CHIC1: variants seen among roughly 807,000 people sequenced by gnomAD.
CHIC1 encodes the protein cysteine rich hydrophobic domain 1.
A neutral mutation model predicts 18.5 loss-of-function variants in CHIC1; 7 were observed. The observed-to-expected ratio is 0.38, with a 90% CI of 0.22 to 0.71. The LOEUF is 0.71. Ranked by LOEUF, CHIC1 falls within the 30% of genes least tolerant of loss-of-function variation. The pLI is 0.49. For missense variants in CHIC1, 159 were observed against 176.9 expected, an observed-to-expected ratio of 0.90 and a Z score of 0.57; for synonymous variants, 77 against 73.5, an observed-to-expected ratio of 1.05 and a Z score of -0.25.
In CHIC1 at chrX:73,679,356, T is replaced by C. The variant is rs1002766532; in HGVS notation, c.538T>C (p.Trp180Arg). The C allele has an allele frequency of 2.2e-5, 25 of 1,149,528 alleles. No individual in the cohort carries two copies. The highest frequency in any genetic ancestry group is 3.6e-5 in the African/African-American group (2 of 56,038). The allele number at this position is 1,149,528 out of a possible 1,213,427, so 94.7% of individuals were successfully genotyped here. Residue 180 changes from tryptophan (W) to arginine (R), a missense_variant, in exon 4 of 6, where the codon TGG becomes CGG. By Grantham distance (101) the Trp-to-Arg change is moderately radical. Coordinates refer to ENST00000373502, the MANE Select transcript of CHIC1 (RefSeq NM_001039840.4). ...TRRSIQKLIE[W>R]ENNRLYHKLA... ...AAGATCAATTCAGAAGTTAATAGAA[T>C]GGGAAAATAACAGATTATATCACAA...
At chrX:73,600,273 C>G (rs1420401438) in intron 3 of CHIC1, among the ~76,000 whole-genome samples, 1 of 96,727 alleles carries the variant, frequency 1.0e-5, no homozygotes, top group Non-Finnish European at 2.0e-5. Context: ...ATCATGTCAT[C>G]TGCAAACAGG....
At chrX:73,661,874 A>G (rs1285716217) in intron 3 of CHIC1, among the ~76,000 whole-genome samples, 1 of 110,207 alleles carries the variant, frequency 9.1e-6, no homozygotes, top group African/African-American at 3.3e-5. Context: ...ATTCGTAAAC[A>G]GTGTTAAAGC....
At chrX:73,608,806 A>G (rs1398369873) in intron 3 of CHIC1, among the ~76,000 whole-genome samples, 2 of 107,707 alleles carry the variant, frequency 1.9e-5, no homozygotes, top group Non-Finnish European at 3.8e-5. Context: ...TTCTACCTAT[A>G]AGTTTATGTC....
intron 3 of CHIC1, among the ~76,000 whole-genome samples, chrX:73,662,041 TAAAA>T (rs1201565881): frequency 2.0e-5 from 2 of 98,773 alleles, no homozygotes; most frequent in African/African-American, 3.7e-5. Context: ...AGTATAATAA[TAAAA>T]AAATAAATAA....
chrX:73,656,484 A>G (rs1339880949), intron 3 of CHIC1, among the ~76,000 whole-genome samples: 1 of 111,810 alleles, frequency 8.9e-6, no homozygotes, highest in Non-Finnish European at 1.9e-5. Flanking sequence ...TATATATGGT[A>G]TAAGGAAGAG....
chrX:73,678,345 T>G (rs1336917096), intron 3 of CHIC1, among the ~76,000 whole-genome samples: 3 of 112,313 alleles, frequency 2.7e-5, no homozygotes, highest in Non-Finnish European at 5.6e-5. Flanking sequence ...GCCCTGAGTA[T>G]GTCAGTCTTT....
intron 3 of CHIC1, among the ~76,000 whole-genome samples, chrX:73,587,496 T>C (rs2057558939): frequency 9.0e-6 from 1 of 111,545 alleles, no homozygotes; most frequent in South Asian, 3.7e-4. Flanking sequence ...TTGATACTCA[T>C]TAAATTGAGA....
intron 3 of CHIC1, among the ~76,000 whole-genome samples, chrX:73,625,271 T>C (rs975219734): frequency 3.6e-5 from 4 of 111,597 alleles, no homozygotes; most frequent in Non-Finnish European, 1.9e-5. Context: ...AGCTCAAACT[T>C]GTCCCCTGAT....
At chrX:73,647,135 C>G (rs951104530) in intron 3 of CHIC1, among the ~76,000 whole-genome samples, 14 of 111,449 alleles carry the variant, frequency 1.3e-4, no homozygotes, top group African/African-American at 3.6e-4. Context: ...AGCGTGCTAC[C>G]CAGCTAGGGA....
At chrX:73,622,915 T>TA (rs1027972420) in intron 3 of CHIC1, among the ~76,000 whole-genome samples, 1 of 112,200 alleles carries the variant, frequency 8.9e-6, no homozygotes, top group African/African-American at 3.2e-5. Flanking sequence ...TCAAAGAACT[T>TA]ACTTATTTCT....
chrX:73,570,614 C>T (rs2057466086), intron 1 of CHIC1, among the ~76,000 whole-genome samples: 1 of 110,666 alleles, frequency 9.0e-6, no homozygotes, highest in African/African-American at 3.3e-5. Context: ...TATTTTGTGG[C>T]AAGATGTCCA....
At chrX:73,647,567 C>T (rs1324125703) in intron 3 of CHIC1, among the ~76,000 whole-genome samples, 1 of 112,415 alleles carries the variant, frequency 8.9e-6, no homozygotes, top group Non-Finnish European at 1.9e-5. Context: ...GGATGTCCCC[C>T]ACAACCTAAC....
rs185946821 is a variant in CHIC1, at chrX:73,657,287, C to T, written c.508-22039C>T. 5.0e-3 allele frequency among the ~76,000 whole-genome samples: 549 copies of T among 110,119 alleles called. 2 individuals carry two copies. Among genetic ancestry groups the T allele is most frequent in the Non-Finnish European group, 8.4e-3 (442 of 52,746 alleles). On this transcript the variant is annotated intron_variant, in intron 3 of 5. Transcript: ENST00000373502. ...ATGTCAGCCAGGATGGTCTTGATCCCCGACCTCATGATCCACCCGCCTCAG... is the reference window on the plus strand; with the variant it reads ...ATGTCAGCCAGGATGGTCTTGATCCTCGACCTCATGATCCACCCGCCTCAG...
At chrX:73,665,759 A>T in intron 3 of CHIC1, among the ~76,000 whole-genome samples, 1 of 111,603 alleles carries the variant, frequency 9.0e-6, no homozygotes. Context: ...AGATGAAAAA[A>T]TGTACGCAGA....
chrX:73,581,526 A>T (rs2057527246), intron 2 of CHIC1, among the ~76,000 whole-genome samples: 1 of 110,883 alleles, frequency 9.0e-6, no homozygotes, highest in Admixed American at 9.6e-5. Context: ...GAGTTTACTA[A>T]TTCTCACTTC....
chrX:73,610,037 CA>C (rs1164371268), intron 3 of CHIC1, among the ~76,000 whole-genome samples: 3 of 107,842 alleles, frequency 2.8e-5, no homozygotes, highest in African/African-American at 1.1e-4. Context: ...TATTTTCCCC[CA>C]ATCACACACC....
intron 3 of CHIC1, among the ~76,000 whole-genome samples, chrX:73,601,612 A>G (rs2147566852): frequency 9.6e-6 from 1 of 104,585 alleles, no homozygotes; most frequent in Admixed American, 1.0e-4. Flanking sequence ...AAAGCAGGAA[A>G]GATCCAAAAT....
intron 2 of CHIC1, among the ~76,000 whole-genome samples, chrX:73,581,697 CAAA>C: frequency 9.1e-6 from 1 of 109,513 alleles, no homozygotes; most frequent in East Asian, 2.9e-4. Context: ...CTTATGACCT[CAAA>C]AAAAATTTGA....
chrX:73,616,347 C>T (rs1302479128), intron 3 of CHIC1, among the ~76,000 whole-genome samples: 1 of 111,425 alleles, frequency 9.0e-6, no homozygotes, highest in African/African-American at 3.3e-5. Flanking sequence ...CATGGTACAG[C>T]CTCCCTCCCA....
Sources: allele counts gnomAD v4.1 joint callset (sites outside exome capture counted in the v4.1 genomes callset), GRCh38; gene constraint gnomAD v4.1.1; transcripts MANE v1.5; gene names NCBI Gene and HGNC (gene_info 2026-07-23, HGNC 2026-07-21).